Variants in FARP1 observed in about 807,000 individuals in gnomAD.
The protein encoded by FARP1 is FERM, ARH/RhoGEF and pleckstrin domain protein 1, also known as FERM, ARHGEF and pleckstrin domain-containing protein 1.
FARP1 carries 52 observed loss-of-function variants against 128.8 expected under a neutral mutation model. That is an observed-to-expected ratio of 0.40 (90% confidence interval 0.32 to 0.51). The LOEUF (loss-of-function observed/expected upper bound fraction) is 0.51, where lower values mean the gene tolerates loss of function less well. Among genes scored for constraint, FARP1 ranks in the 20% least tolerant of loss-of-function variants. The pLI is 0.45. For missense variants in FARP1, 1,333 were observed against 1,367.9 expected, an observed-to-expected ratio of 0.97 and a Z score of 0.40; for synonymous variants, 580 against 551.8, an observed-to-expected ratio of 1.05 and a Z score of -0.72.
Position 98,176,121 on chromosome 13 carries a change from C to T in FARP1, c.-24+32629C>T. On this transcript the variant is annotated intron_variant, in intron 1 of 26. Transcript: ENST00000319562. The surrounding 1 kb of genome is among the most constrained non-coding windows in gnomAD (Gnocchi z 6.2). Reference sequence around the variant, plus strand: ...CTGTCATCTCTCTCATCTTACTCAACAGGCTGCTTCTCCCCAGTGTACATA... The same window carrying T: ...CTGTCATCTCTCTCATCTTACTCAATAGGCTGCTTCTCCCCAGTGTACATA... 1.3e-6 allele frequency: 2 copies of T among 1,560,966 alleles called. No individual in the cohort carries two copies. The highest frequency in any genetic ancestry group is 1.1e-5 in the South Asian group (1 of 88,072).
intron 2 of FARP1, among the ~76,000 whole-genome samples, chr13:98,273,143 GA>G (rs764331660): frequency 1.3e-5 from 2 of 152,276 alleles, no homozygotes; most frequent in East Asian, 3.9e-4. Flanking sequence ...GAAAAGGTGG[GA>G]TATCTTGAGG....
At chr13:98,222,794 A>ATT (rs34198874) in intron 2 of FARP1, among the ~76,000 whole-genome samples, 8,219 of 124,682 alleles carry the variant, frequency 0.066, 320 homozygotes, top group African/African-American at 0.088. Context: ...TGCCCAGCTA[A>ATT]TTTTTTTTTT....
At chr13:98,311,102 A>G (rs141146468) in intron 2 of FARP1, among the ~76,000 whole-genome samples, 15 of 152,360 alleles carry the variant, frequency 9.8e-5, no homozygotes, top group Admixed American at 1.3e-4. Context: ...CAGCAGAAAC[A>G]ATCACACTTA....
At chr13:98,437,856 A>G (rs1412324059) in intron 19 of FARP1, 1 of 1,595,360 alleles carries the variant, frequency 6.3e-7, no homozygotes, top group East Asian at 2.2e-5. Context: ...GTTATTAGTA[A>G]AGGTGAAGAT....
Position 98,395,246 on chromosome 13 carries a change from T to C in FARP1, c.1184T>C (p.Leu395Pro). 1 of 1,602,046 alleles carries C rather than the reference T, an allele frequency of 6.2e-7. No individual in the cohort carries two copies. Among genetic ancestry groups the C allele is most frequent in the South Asian group, 1.1e-5 (1 of 90,744 alleles). Residue 395 changes from leucine to proline, a missense_variant, in exon 13 of 27, where the codon CTT (leucine) becomes CCT (proline). Transcript: ENST00000319562. ...ACCCAGTCTCAGCAGAGCACCAGCC[T>C]TACATTTGGAGAAGGTGCCGAATCT... ...VLEQSQQSTS[L>P]TFGEGAESPG...
chr13:98,384,706 G>C (rs1311179089), intron 6 of FARP1, 24 bp from the exon 7 acceptor site: 5 of 1,475,654 alleles, frequency 3.4e-6, no homozygotes, highest in African/African-American at 2.8e-5. Context: ...TACGTGACCT[G>C]TTTTTCTTTC....
chr13:98,279,513 A>G (rs977291374), intron 2 of FARP1, among the ~76,000 whole-genome samples: 6 of 152,214 alleles, frequency 3.9e-5, no homozygotes, highest in Admixed American at 3.3e-4. Flanking sequence ...CTGTTTCAGT[A>G]GCCACTGGAA....
At chr13:98,318,068 C>CT (rs35762706) in intron 2 of FARP1, among the ~76,000 whole-genome samples, 12,206 of 104,194 alleles carry the variant, frequency 0.12, 1,370 homozygotes, top group East Asian at 0.26. Context: ...TCTCCTCCTC[C>CT]TTTTTTTTTT....
In FARP1 at chr13:98,440,809, C is replaced by A; in HGVS notation, c.2769C>A (p.Ser923=). The A allele has an allele frequency of 6.2e-7, 1 of 1,611,354 alleles. No homozygotes were observed. The highest frequency in any genetic ancestry group is 1.3e-5 in the African/African-American group (1 of 75,014). The change falls in exon 24 of 27, where the codon TCC becomes TCA. Residue 923 remains serine (S), a synonymous_variant. Coordinates refer to ENST00000319562, the MANE Select transcript of FARP1 (RefSeq NM_005766.4). ...GCTGGCACCGCAACACCAGCGTCTC[C>A]ATGGTGGACTTCAGCATCGCAGTGG... ...HVCWHRNTSV[S]MVDFSIAVEN...
chr13:98,372,081 C>CTTTTTTTTTTTTTTTTT (rs56838920), intron 5 of FARP1, among the ~76,000 whole-genome samples: 1 of 92,340 alleles, frequency 1.1e-5, no homozygotes, highest in Non-Finnish European at 2.0e-5. Context: ...CCCAGTTTTT[C>CTTTTTTTTTTTTTTTTT]TTTTTTTTTT....
At chr13:98,230,636 C>CTT (rs11312519) in intron 2 of FARP1, among the ~76,000 whole-genome samples, 2 of 151,596 alleles carry the variant, frequency 1.3e-5, no homozygotes, top group Non-Finnish European at 2.9e-5. Context: ...CTTTTTTCTG[C>CTT]TTTTTTTTAA....
intron 1 of FARP1, among the ~76,000 whole-genome samples, chr13:98,153,534 A>ATATATATTATG (rs1876257853): frequency 1.3e-5 from 1 of 77,064 alleles, no homozygotes; most frequent in African/African-American, 4.1e-5. Context: ...TATATATTAT[A>ATATATATTATG]TATAAATATG....
intron 2 of FARP1, among the ~76,000 whole-genome samples, chr13:98,304,784 G>C (rs1339947342): frequency 6.6e-6 from 1 of 152,204 alleles, no homozygotes; most frequent in African/African-American, 2.4e-5. Flanking sequence ...CTACTAAAAA[G>C]TTGAGACCTT....
intron 24 of FARP1, among the ~76,000 whole-genome samples, chr13:98,443,201 C>T (rs1482643277): frequency 6.6e-6 from 1 of 152,212 alleles, no homozygotes; most frequent in Non-Finnish European, 1.5e-5. Flanking sequence ...GCCTGCAAAG[C>T]CTGAAATATC....
chr13:98,391,712 A>T (rs1402198526), intron 11 of FARP1, among the ~76,000 whole-genome samples: 1 of 152,098 alleles, frequency 6.6e-6, no homozygotes. Flanking sequence ...GTGCTCTTTT[A>T]TTCCCTTTAT....
At chr13:98,440,888 A>G in intron 24 of FARP1, 52 bp downstream of exon 24, 2 of 1,519,586 alleles carry the variant, frequency 1.3e-6, no homozygotes, top group Admixed American at 4.0e-5. Flanking sequence ...GCCCAGGCAG[A>G]ACCCAGGCAA....
chr13:98,275,359 GAGAGAGAT>G (rs201307435), intron 2 of FARP1, among the ~76,000 whole-genome samples: 2,300 of 143,072 alleles, frequency 0.016, 29 homozygotes, highest in Non-Finnish European at 0.024. Flanking sequence ...GAGAGAGAGA[GAGAGAGAT>G]AATATTTATA....
At chr13:98,437,298 T>C (rs1892309230) in intron 19 of FARP1, among the ~76,000 whole-genome samples, 1 of 152,130 alleles carries the variant, frequency 6.6e-6, no homozygotes, top group African/African-American at 2.4e-5. Flanking sequence ...ATGGGAATAA[T>C]GATACTGAAG....
At chr13:98,437,904 C>T in intron 19 of FARP1, 3 of 1,195,254 alleles carry the variant, frequency 2.5e-6, no homozygotes, top group Non-Finnish European at 3.5e-6. Context: ...AGATGATCCC[C>T]TGATTCTTGG....
Sources: gnomAD v4.1 joint callset for allele counts (sites outside exome capture counted in the v4.1 genomes callset) on GRCh38, gnomAD v4.1.1 for gene constraint, Gnocchi (gnomAD v3.1) non-coding constraint, MANE v1.5 for transcripts, NCBI Gene and HGNC (gene_info 2026-07-23, HGNC 2026-07-21) for gene names.